Variants in LRRIQ1 observed in about 807,000 individuals in gnomAD.
The protein encoded by LRRIQ1 is leucine rich repeats and IQ motif containing 1, also known as leucine-rich repeat- and IQ domain-containing protein 1.
Under a neutral mutation model 211.9 loss-of-function variants are expected in LRRIQ1, and 210 were observed. The ratio of observed to expected loss-of-function variants is 0.99; its 90% confidence interval spans 0.89 to 1.11. LRRIQ1 has a LOEUF of 1.11. Ranked by LOEUF, LRRIQ1 falls within the 50% of genes most tolerant of loss-of-function variation. The probability of loss-of-function intolerance (pLI) is 0.00; values close to 1 mark genes in which losing one functional copy is unlikely to be tolerated. For synonymous variants in LRRIQ1, 699 were observed against 650.1 expected, an observed-to-expected ratio of 1.08 and a Z score of -1.14; for missense variants, 2,136 against 1,939.5, an observed-to-expected ratio of 1.10 and a Z score of -1.90.
chr12:85,167,893 A>G (rs1891231317), intron 24 of LRRIQ1, among the ~76,000 whole-genome samples: 1 of 144,040 alleles, frequency 6.9e-6, no homozygotes, highest in Non-Finnish European at 1.5e-5. Context: ...TAACGCAGCT[A>G]GCATTCATAC....
chr12:85,097,116 A>G (rs1008953495), intron 11 of LRRIQ1, among the ~76,000 whole-genome samples: 9 of 152,078 alleles, frequency 5.9e-5, no homozygotes, highest in Non-Finnish European at 8.8e-5. Flanking sequence ...TCAGCTTCTC[A>G]ATTTGTGCCT....
At chr12:85,068,938 T>A (rs928445766) in intron 10 of LRRIQ1, among the ~76,000 whole-genome samples, 1 of 150,986 alleles carries the variant, frequency 6.6e-6, no homozygotes, top group South Asian at 2.1e-4. Flanking sequence ...TATTTATTTA[T>A]TTAATTTTAT....
chr12:85,050,583 T>A (rs1433665184), intron 6 of LRRIQ1, among the ~76,000 whole-genome samples: 1 of 152,200 alleles, frequency 6.6e-6, no homozygotes, highest in Non-Finnish European at 1.5e-5. Context: ...TTTATTACTA[T>A]CTTTGATCCA....
At chr12:85,208,171 A>G (rs748458914) in intron 24 of LRRIQ1, among the ~76,000 whole-genome samples, 2 of 152,062 alleles carry the variant, frequency 1.3e-5, no homozygotes, top group Non-Finnish European at 2.9e-5. Context: ...AGCTTTATAT[A>G]GTAGGTCTTG....
At position 85,072,330 on chromosome 12, in the gene LRRIQ1, C is replaced by G. The variant is rs992403938; in HGVS notation, c.2696-577C>G. Among the ~76,000 whole-genome samples, 16 of 151,878 alleles carry G rather than the reference C, an allele frequency of 1.1e-4. No homozygotes were observed. In the East Asian group the frequency reaches 3.1e-3, roughly 29 times the overall value. ...TTTGGAACTTATTTTGGCTGTCTTG[C>G]TAATCTAATATGTGGTCAATTTTCA... On this transcript the variant is annotated intron_variant, in intron 10 of 26. Coordinates refer to ENST00000393217, the MANE Select transcript of LRRIQ1 (RefSeq NM_001079910.2).
chr12:85,123,855 G>A (rs1034539486), intron 16 of LRRIQ1, among the ~76,000 whole-genome samples: 1 of 151,996 alleles, frequency 6.6e-6, no homozygotes, highest in African/African-American at 2.4e-5. Context: ...ATTTTGTCTG[G>A]ACTGATGGTT....
intron 17 of LRRIQ1, chr12:85,124,989 T>C (rs982665188): frequency 6.0e-5 from 10 of 166,170 alleles, no homozygotes; most frequent in Non-Finnish European, 9.1e-5. Context: ...CCATCCTGGC[T>C]AACACGGTGA....
chr12:85,231,002 C>T (rs1038991436), intron 25 of LRRIQ1, among the ~76,000 whole-genome samples: 2 of 151,700 alleles, frequency 1.3e-5, no homozygotes, highest in East Asian at 1.9e-4. Context: ...GAGCCGAGAT[C>T]GTGCCACTGC....
chr12:85,199,328 A>G lies in LRRIQ1; in HGVS notation c.4823-30189A>G, dbSNP rs572989301. On this transcript the variant is annotated intron_variant, in intron 24 of 26. Transcript: ENST00000393217. The stretch of plus-strand genomic sequence containing the variant: ...GGGGTCCAGTTTCAATCTTTCGCAT[A>G]TAGGCAGCCCGTTATTCCAGCGCTT... 8.5e-5 allele frequency among the ~76,000 whole-genome samples: 13 copies of G among 152,214 alleles called. No homozygotes were observed. The South Asian group carries it at 2.7e-3, about 32-fold the overall frequency.
At chr12:85,230,466 G>C (rs1300205336) in intron 25 of LRRIQ1, among the ~76,000 whole-genome samples, 1 of 152,130 alleles carries the variant, frequency 6.6e-6, no homozygotes, top group Non-Finnish European at 1.5e-5. Flanking sequence ...AAGGACACCA[G>C]TGATATTGGA....
At chr12:85,054,060 C>T (rs999267085) in intron 7 of LRRIQ1, among the ~76,000 whole-genome samples, 1 of 152,136 alleles carries the variant, frequency 6.6e-6, no homozygotes, top group Non-Finnish European at 1.5e-5. Flanking sequence ...TCTATGATTG[C>T]AAATTTGATG....
rs539184574 is a variant in LRRIQ1 at position 85,127,300 on chromosome 12, T to A, written c.4008-532T>A. Among the ~76,000 whole-genome samples, 14 of 152,340 alleles carry A rather than the reference T, an allele frequency of 9.2e-5. No individual in the cohort carries two copies. The South Asian group carries it at 2.9e-3, about 32-fold the overall frequency. The stretch of plus-strand genomic sequence containing the variant: ...AGATGTGGACCAGAAAAATGTTAAG[T>A]ATTTACTACTGAGTCTGTAAGAGTG... On this transcript the variant is annotated intron_variant, in intron 17 of 26. Coordinates refer to ENST00000393217, the MANE Select transcript of LRRIQ1 (RefSeq NM_001079910.2).
chr12:85,044,932 C>G lies in LRRIQ1; in HGVS notation c.336+123C>G, dbSNP rs1291040937. The G allele has an allele frequency of 7.0e-6, 3 of 430,868 alleles. No individual in the cohort carries two copies. In the East Asian group the frequency reaches 1.1e-4, roughly 16 times the overall value. The allele number at this position is 430,868 out of a possible 1,614,324, so 26.7% of individuals were successfully genotyped here. A position where few individuals can be genotyped will look rare whatever the true frequency, so the allele number is the denominator to read the frequency against. On this transcript the variant is annotated intron_variant, in intron 4 of 26. Transcript: ENST00000393217. ...TTTAAATATTAAAAATTTAATTATT[C>G]TTAAGCAAATCATCTGTGGTTTTAT...
intron 8 of LRRIQ1, among the ~76,000 whole-genome samples, chr12:85,062,315 T>G (rs1163134341): frequency 1.3e-5 from 2 of 151,842 alleles, no homozygotes; most frequent in African/African-American, 4.8e-5. Flanking sequence ...GTGAGCATAG[T>G]ACCCAGTAGG....
At position 85,056,205 on chromosome 12, in the gene LRRIQ1, G is replaced by T. The variant is rs1175322800; in HGVS notation, c.1412G>T (p.Ser471Ile). ...IQVKLKESIS[S>I]QTILADFKME... Reference sequence around the variant, plus strand: ...GTAAAGTTAAAAGAATCTATATCAAGCCAAACAATTCTGGCAGATTTTAAA... The same window carrying T: ...GTAAAGTTAAAAGAATCTATATCAATCCAAACAATTCTGGCAGATTTTAAA... The change falls in exon 8 of 27, where the codon AGC (serine) becomes ATC (isoleucine). Residue 471 changes from serine (S) to isoleucine (I), a missense_variant. Ser to Ile is a moderately radical substitution (Grantham distance 142). Transcript: ENST00000393217. 1.3e-6 allele frequency: 2 copies of T among 1,572,316 alleles called. No homozygotes were observed. The highest frequency in any genetic ancestry group is 2.4e-5 in the South Asian group (2 of 82,380).
chr12:85,073,344 A>G (rs903277641), intron 11 of LRRIQ1, among the ~76,000 whole-genome samples: 2 of 151,994 alleles, frequency 1.3e-5, no homozygotes, highest in Admixed American at 6.6e-5. Flanking sequence ...TTGGATTACT[A>G]TGACTTCTTC....
intron 6 of LRRIQ1, among the ~76,000 whole-genome samples, chr12:85,050,554 G>A (rs1880181644): frequency 1.3e-5 from 2 of 152,056 alleles, no homozygotes; most frequent in Admixed American, 1.3e-4. Context: ...TGAAGGTAAT[G>A]TTTTATTCTT....
chr12:85,167,154 C>A (rs769009278), intron 24 of LRRIQ1, among the ~76,000 whole-genome samples: 25 of 152,150 alleles, frequency 1.6e-4, no homozygotes, highest in Non-Finnish European at 4.4e-5. Flanking sequence ...TTATCTCAGG[C>A]ATTTAATTTT....
At chr12:85,158,249 A>AT (rs1205998282) in intron 23 of LRRIQ1, among the ~76,000 whole-genome samples, 1 of 151,930 alleles carries the variant, frequency 6.6e-6, no homozygotes, top group Non-Finnish European at 1.5e-5. Context: ...AAAAAAAAAA[A>AT]ACTAGATAAA....
Sources: gnomAD v4.1 joint callset for allele counts (sites outside exome capture counted in the v4.1 genomes callset) on GRCh38, gnomAD v4.1.1 for gene constraint, MANE v1.5 for transcripts, NCBI Gene and HGNC (gene_info 2026-07-23, HGNC 2026-07-21) for gene names.